CRPPA: variants seen among roughly 807,000 people sequenced by gnomAD.
CRPPA encodes the protein D-ribitol-5-phosphate cytidylyltransferase.
CRPPA carries 43 observed loss-of-function variants against 52.0 expected under a neutral mutation model. That is an observed-to-expected ratio of 0.83 (90% CI 0.65 to 1.07). The LOEUF (loss-of-function observed/expected upper bound fraction) is 1.07. Among genes scored for constraint, CRPPA ranks in the 50% least tolerant of loss-of-function variants. The pLI is 0.00. For synonymous variants in CRPPA, 250 were observed against 203.5 expected (o/e 1.23, Z -1.94); for missense variants, 629 against 551.7 (o/e 1.14, Z -1.40).
At position 16,136,778 on chromosome 7, in the gene CRPPA, T is replaced by C. The variant is rs377740452; in HGVS notation, c.1252-44979A>G. ...TGAGGTGAGAGTAGTAGGAAGTTTA[T>C]ACACATATACACGCATACACAAACA... On this transcript the variant is annotated intron_variant, in intron 9 of 9. Transcript: ENST00000407010. Among the ~76,000 whole-genome samples the C allele has an allele frequency of 5.3e-5, 8 of 152,342 alleles. No individual in the cohort carries two copies. In the East Asian group the frequency reaches 1.2e-3, roughly 22 times the overall value.
chr7:16,201,027 T>C (rs553978044), intron 9 of CRPPA, among the ~76,000 whole-genome samples: 4 of 152,102 alleles, frequency 2.6e-5, no homozygotes, highest in Non-Finnish European at 5.9e-5. Context: ...GCAACACACA[T>C]ATGAATACAT....
chr7:16,309,924 C>G (rs1784998318), intron 3 of CRPPA, among the ~76,000 whole-genome samples: 1 of 151,944 alleles, frequency 6.6e-6, no homozygotes, highest in Admixed American at 6.6e-5. Context: ...GATGTATATT[C>G]TAAATTCAAG....
chr7:16,230,758 T>C (rs903788383), intron 8 of CRPPA, among the ~76,000 whole-genome samples: 1 of 152,202 alleles, frequency 6.6e-6, no homozygotes, highest in Non-Finnish European at 1.5e-5. Context: ...TAGATACTTA[T>C]CCAAGTCTTC....
chr7:16,109,736 A>G (rs1004128825), intron 9 of CRPPA, among the ~76,000 whole-genome samples: 2 of 152,080 alleles, frequency 1.3e-5, no homozygotes, highest in African/African-American at 2.4e-5. Context: ...ATGCAAAAAA[A>G]GCACTTGACA....
intron 8 of CRPPA, among the ~76,000 whole-genome samples, chr7:16,257,939 ATTCGTG>A (rs1350543869): frequency 6.6e-6 from 1 of 152,074 alleles, no homozygotes; most frequent in Non-Finnish European, 1.5e-5. Context: ...ATTCTCTTTA[ATTCGTG>A]TTCTACTTTT....
intron 3 of CRPPA, among the ~76,000 whole-genome samples, chr7:16,369,190 G>A (rs946620514): frequency 4.6e-5 from 7 of 152,206 alleles, no homozygotes; most frequent in East Asian, 1.9e-4. Flanking sequence ...TGAGCTCCCC[G>A]AGTGCACAAT....
chr7:16,180,075 T>G (rs953330400), intron 9 of CRPPA, among the ~76,000 whole-genome samples: 2 of 152,104 alleles, frequency 1.3e-5, no homozygotes, highest in Non-Finnish European at 2.9e-5. Context: ...AAATTTTATT[T>G]CAGTGGTATG....
chr7:16,321,840 G>A (rs192148786), intron 3 of CRPPA, among the ~76,000 whole-genome samples: 159 of 152,174 alleles, frequency 1.0e-3, no homozygotes, highest in Non-Finnish European at 1.6e-3. Flanking sequence ...ATCCTTTTCC[G>A]AAGAAAATAT....
chr7:16,265,059 T>C (rs548932892), intron 6 of CRPPA, among the ~76,000 whole-genome samples: 1 of 152,238 alleles, frequency 6.6e-6, no homozygotes, highest in Non-Finnish European at 1.5e-5. Flanking sequence ...GTCTTCTCTA[T>C]AGCTTGTCCT....
At chr7:16,314,448 T>C (rs1317415063) in intron 3 of CRPPA, among the ~76,000 whole-genome samples, 1 of 152,100 alleles carries the variant, frequency 6.6e-6, no homozygotes, top group Non-Finnish European at 1.5e-5. Context: ...GTTGCTATTA[T>C]TGTTTTGAAC....
At chr7:16,351,885 C>T (rs1381882687) in intron 3 of CRPPA, among the ~76,000 whole-genome samples, 1 of 152,118 alleles carries the variant, frequency 6.6e-6, no homozygotes, top group Non-Finnish European at 1.5e-5. Context: ...ACCAGAAATA[C>T]CATTTGACCC....
At chr7:16,252,588 A>G (rs184098544) in intron 8 of CRPPA, among the ~76,000 whole-genome samples, 4 of 152,262 alleles carry the variant, frequency 2.6e-5, no homozygotes, top group South Asian at 4.1e-4. Context: ...TATCTCTGCC[A>G]GGCTTTGGTA....
chr7:16,371,481 C>G (rs1290793757), intron 3 of CRPPA, among the ~76,000 whole-genome samples: 1 of 151,528 alleles, frequency 6.6e-6, no homozygotes, highest in Non-Finnish European at 1.5e-5. Context: ...CACCAAAAAT[C>G]AAATTAGGCT....
intron 2 of CRPPA, among the ~76,000 whole-genome samples, chr7:16,402,388 C>T (rs763937441): frequency 3.1e-4 from 47 of 152,186 alleles, no homozygotes; most frequent in Non-Finnish European, 5.9e-4. Context: ...CTCAGAAACA[C>T]ACCCTTATCC....
chr7:16,090,716 T>G lies in CRPPA; in HGVS notation c.*979A>C, dbSNP rs1338200647. On this transcript the variant is annotated 3_prime_UTR_variant, in exon 10 of 10. Coordinates refer to ENST00000407010, the MANE Select transcript of CRPPA (RefSeq NM_001101426.4). Reference sequence around the variant, plus strand: ...CCAGCCTGACAGAGGGCGACTGCATTTCAAAACAATAAAAAATAAAATAAA... The same window carrying G: ...CCAGCCTGACAGAGGGCGACTGCATGTCAAAACAATAAAAAATAAAATAAA... 2 of 151,922 alleles carry G rather than the reference T, an allele frequency of 1.3e-5. No individual in the cohort carries two copies. The highest frequency in any genetic ancestry group is 2.4e-5 in the African/African-American group (1 of 41,350). The allele number at this position is 151,922 out of a possible 1,614,324, so 9.4% of individuals were successfully genotyped here. A position where few individuals can be genotyped will look rare whatever the true frequency, so the allele number is the denominator to read the frequency against.
intron 9 of CRPPA, among the ~76,000 whole-genome samples, chr7:16,124,801 T>A (rs890413179): frequency 9.2e-5 from 14 of 152,150 alleles, no homozygotes; most frequent in Admixed American, 3.9e-4. Context: ...ATTGTATACA[T>A]GTATCAAAAT....
At chr7:16,386,943 C>A (rs1787284907) in intron 2 of CRPPA, among the ~76,000 whole-genome samples, 1 of 150,952 alleles carries the variant, frequency 6.6e-6, no homozygotes, top group African/African-American at 2.4e-5. Context: ...TCACTTGAAC[C>A]CAGGAAGCAG....
intron 6 of CRPPA, among the ~76,000 whole-genome samples, chr7:16,268,097 A>G (rs181946105): frequency 8.2e-4 from 125 of 152,242 alleles, no homozygotes; most frequent in African/African-American, 2.8e-3. Flanking sequence ...GCCTGTTTCC[A>G]TATTAAAATC....
chr7:16,291,917 T>C (rs992194330), intron 5 of CRPPA, among the ~76,000 whole-genome samples: 2 of 151,868 alleles, frequency 1.3e-5, no homozygotes, highest in African/African-American at 4.8e-5. Flanking sequence ...CTTACTTCTG[T>C]TTGAGAATAT....
Sources: allele counts gnomAD v4.1 joint callset (sites outside exome capture counted in the v4.1 genomes callset), GRCh38; gene constraint gnomAD v4.1.1; transcripts MANE v1.5; gene names NCBI Gene and HGNC (gene_info 2026-07-23, HGNC 2026-07-21).